AGAP1: variants seen among roughly 807,000 people sequenced by gnomAD.
AGAP1 encodes the protein ArfGAP with GTPase domain, ankyrin repeat and PH domain 1, also known as arf-GAP with GTPase, ANK repeat and PH domain-containing protein 1.
Under a neutral mutation model 105.3 loss-of-function variants are expected in AGAP1, and 29 were observed. That is an observed-to-expected ratio of 0.28 (90% CI 0.21 to 0.38). The LOEUF (loss-of-function observed/expected upper bound fraction) is 0.38, where lower values mean the gene tolerates loss of function less well. Among genes scored for constraint, AGAP1 ranks in the 10% least tolerant of loss-of-function variants. The pLI is 1.00. For synonymous variants in AGAP1, 509 were observed against 485.9 expected (o/e 1.05, Z -0.63); for missense variants, 998 against 1,165.1 (o/e 0.86, Z 2.09).
rs1234162998 is a variant in AGAP1, at chr2:235,901,410, A to G, written c.1156-7328A>G. Among the ~76,000 whole-genome samples the G allele has an allele frequency of 6.6e-6, 1 of 152,154 alleles. No homozygotes were observed. The highest frequency in any genetic ancestry group is 1.9e-4 in the East Asian group (1 of 5,182). On this transcript the variant is annotated intron_variant, in intron 10 of 17. Transcript: ENST00000304032. This position sits in a 1 kb window ranked among gnomAD's most constrained non-coding sequence, Gnocchi z 4.3. The stretch of plus-strand genomic sequence containing the variant: ...GAATAATGAGTCATTCTTTTCCTCC[A>G]GGAGAAGGAGGAACAAACAAATGTG...
intron 13 of AGAP1, among the ~76,000 whole-genome samples, chr2:236,028,432 G>T (rs931978029): frequency 6.6e-6 from 1 of 152,184 alleles, no homozygotes; most frequent in African/African-American, 2.4e-5. Flanking sequence ...GAAGTATTTA[G>T]CTCATTCACA....
rs1243629188 is a variant in AGAP1 at position 236,062,169 on chromosome 2, C to A, written c.2114+12888C>A. ...GAGCAAGTGAGCCTGAATCAGCGAT[C>A]ATCACCACCAGATACTGGGAGTCCC... On this transcript the variant is annotated intron_variant, in intron 16 of 17. Coordinates refer to ENST00000304032, the MANE Select transcript of AGAP1 (RefSeq NM_001037131.3). The surrounding 1 kb of genome is among the most constrained non-coding windows in gnomAD (Gnocchi z 4.2). Among the ~76,000 whole-genome samples, 1 of 152,220 alleles carries A rather than the reference C, an allele frequency of 6.6e-6. No individual in the cohort carries two copies. The highest frequency in any genetic ancestry group is 6.5e-5 in the Admixed American group (1 of 15,292).
At position 235,888,019 on chromosome 2, in the gene AGAP1, G is replaced by A. The variant is rs1384518817; in HGVS notation, c.1155+4570G>A. On this transcript the variant is annotated intron_variant, in intron 10 of 17. Transcript: ENST00000304032. This position sits in a 1 kb window ranked among gnomAD's most constrained non-coding sequence, Gnocchi z 4.8. The stretch of plus-strand genomic sequence containing the variant: ...GCACAGACATTTATCTTCTGTCCAC[G>A]TGTGTGCCGCTCACAGTCCACGTAA... Among the ~76,000 whole-genome samples, 5 of 152,144 alleles carry A rather than the reference G, an allele frequency of 3.3e-5. No homozygotes were observed. In the South Asian group the frequency reaches 6.2e-4, roughly 19 times the overall value.
intron 13 of AGAP1, among the ~76,000 whole-genome samples, chr2:236,018,982 G>A (rs1253784175): frequency 6.6e-6 from 1 of 152,182 alleles, no homozygotes; most frequent in Non-Finnish European, 1.5e-5. Context: ...CGCGCCTCAG[G>A]CCTGCAGTCA....
rs899604324 is a variant in AGAP1, at chr2:235,751,487, G to C, written c.673+999G>C. Among the ~76,000 whole-genome samples the C allele has an allele frequency of 6.6e-6, 1 of 152,174 alleles. No homozygotes were observed. The highest frequency in any genetic ancestry group is 2.4e-5 in the African/African-American group (1 of 41,436). On this transcript the variant is annotated intron_variant, in intron 6 of 17. Transcript: ENST00000304032. This position sits in a 1 kb window ranked among gnomAD's most constrained non-coding sequence, Gnocchi z 5.3. ...GCCGCTTCAAGGTGATGGAGGACTC[G>C]CCGCGCTCTGACCTTGAAGACCCAC...
rs952052687 is a variant in AGAP1, at chr2:235,720,467, A to C, written c.310+2823A>C. Among the ~76,000 whole-genome samples, 4 of 152,046 alleles carry C rather than the reference A, an allele frequency of 2.6e-5. No homozygotes were observed. The highest frequency in any genetic ancestry group is 5.9e-5 in the Non-Finnish European group (4 of 68,004). On this transcript the variant is annotated intron_variant, in intron 3 of 17. Transcript: ENST00000304032. The surrounding 1 kb of genome is among the most constrained non-coding windows in gnomAD (Gnocchi z 5.0). ...CACACAAAGGTGAGGGCACTCCCACAGTGGTGGGAGTGGTTGGCGCCCGGT... is the reference window on the plus strand; with the variant it reads ...CACACAAAGGTGAGGGCACTCCCACCGTGGTGGGAGTGGTTGGCGCCCGGT...
At chr2:236,070,829 C>G (rs1165679808) in intron 16 of AGAP1, among the ~76,000 whole-genome samples, 2 of 152,080 alleles carry the variant, frequency 1.3e-5, no homozygotes, top group Non-Finnish European at 2.9e-5. Flanking sequence ...AGTGGGACTT[C>G]TTTTTGGGGT....
chr2:235,927,484 T>C lies in AGAP1; in HGVS notation c.1325-3281T>C, dbSNP rs2052511080. On this transcript the variant is annotated intron_variant, in intron 11 of 17. Coordinates refer to ENST00000304032, the MANE Select transcript of AGAP1 (RefSeq NM_001037131.3). The surrounding 1 kb of genome is among the most constrained non-coding windows in gnomAD (Gnocchi z 4.4). ...CAGAGTCCTGTTGTTTCCTAGTGTGTAGGCTTGAAGGAATCTCTCCCTTCC... is the reference window on the plus strand; with the variant it reads ...CAGAGTCCTGTTGTTTCCTAGTGTGCAGGCTTGAAGGAATCTCTCCCTTCC... 6.6e-6 allele frequency among the ~76,000 whole-genome samples: 1 copy of C among 152,196 alleles called. No homozygotes were observed. The highest frequency in any genetic ancestry group is 1.5e-5 in the Non-Finnish European group (1 of 68,034).
rs2057521146 is a variant in AGAP1, at chr2:236,040,654, T to G, written c.1801-97T>G. 1.8e-6 allele frequency: 2 copies of G among 1,082,104 alleles called. No homozygotes were observed. Among genetic ancestry groups the G allele is most frequent in the Non-Finnish European group, 2.7e-6 (2 of 739,278 alleles). The allele number at this position is 1,082,104 out of a possible 1,614,324, so 67.0% of individuals were successfully genotyped here. A position where few individuals can be genotyped will look rare whatever the true frequency, so the allele number is the denominator to read the frequency against. On this transcript the variant is annotated intron_variant, in intron 14 of 17. Coordinates refer to ENST00000304032, the MANE Select transcript of AGAP1 (RefSeq NM_001037131.3). The surrounding 1 kb of genome is among the most constrained non-coding windows in gnomAD (Gnocchi z 5.6). ...TTAGAAATTACCCTCGTCCTACATT[T>G]GCTCCCAATCTGTTTGATCTTTCCC...
intron 1 of AGAP1, among the ~76,000 whole-genome samples, chr2:235,568,522 C>G (rs187323315): frequency 2.0e-5 from 3 of 152,114 alleles, no homozygotes; most frequent in Non-Finnish European, 4.4e-5. Flanking sequence ...TGGACATGGA[C>G]TCGTGGCAGA....
intron 9 of AGAP1, among the ~76,000 whole-genome samples, chr2:235,862,918 T>C (rs554189108): frequency 3.5e-4 from 53 of 152,320 alleles, no homozygotes; most frequent in African/African-American, 1.3e-3. Flanking sequence ...TGCATGCTTT[T>C]TCTAATCTCC....
intron 1 of AGAP1, among the ~76,000 whole-genome samples, chr2:235,500,416 C>T (rs1287133920): frequency 6.6e-6 from 1 of 152,178 alleles, no homozygotes; most frequent in Non-Finnish European, 1.5e-5. Flanking sequence ...TAAGAAGTGT[C>T]CTGAGGATGC....
Position 236,030,991 on chromosome 2 carries a change from G to A in AGAP1, c.1646-5570G>A, listed in dbSNP as rs115081251. Among the ~76,000 whole-genome samples the A allele has an allele frequency of 5.3e-3, 812 of 152,282 alleles. 4 individuals carry two copies. The highest frequency in any genetic ancestry group is 0.018 in the African/African-American group (765 of 41,560). ...GAGATTTTATGATTAGAATAGCATT[G>A]TAATCATTAACAGAAATACAGAACC... On this transcript the variant is annotated intron_variant, in intron 13 of 17. Transcript: ENST00000304032.
At position 235,568,726 on chromosome 2, in the gene AGAP1, A is replaced by G. The variant is rs980394671; in HGVS notation, c.163+73877A>G. On this transcript the variant is annotated intron_variant, in intron 1 of 17. Coordinates refer to ENST00000304032, the MANE Select transcript of AGAP1 (RefSeq NM_001037131.3). ...TTTGAGGTCAGAAGTCCTTAAATGC[A>G]TCCACAAAGCTGTGTTCTTTCTAGA... Among the ~76,000 whole-genome samples, 3 of 152,358 alleles carry G rather than the reference A, an allele frequency of 2.0e-5. No individual in the cohort carries two copies. The South Asian group carries it at 6.2e-4, about 32-fold the overall frequency.
rs891732237 is a variant in AGAP1 at position 236,056,432 on chromosome 2, G to A, written c.2114+7151G>A. Among the ~76,000 whole-genome samples, 4 of 152,206 alleles carry A rather than the reference G, an allele frequency of 2.6e-5. No individual in the cohort carries two copies. The highest frequency in any genetic ancestry group is 4.4e-5 in the Non-Finnish European group (3 of 68,040). ...TTAAGAATTTTTACTGCCCCTGGCA[G>A]ATGAGAAGGCAAGTCATCAGCAGGC... is the stretch of plus-strand genomic sequence containing the variant. On this transcript the variant is annotated intron_variant, in intron 16 of 17. Transcript: ENST00000304032. This position sits in a 1 kb window ranked among gnomAD's most constrained non-coding sequence, Gnocchi z 4.6.
chr2:235,715,938 C>T (rs1454489342), intron 2 of AGAP1, among the ~76,000 whole-genome samples: 1 of 152,068 alleles, frequency 6.6e-6, no homozygotes, highest in African/African-American at 2.4e-5. Context: ...AAGGTGTGGA[C>T]CCATCGAGGC....
In AGAP1 at chr2:235,842,014, G is replaced by T. The variant is rs1048603309; in HGVS notation, c.1050+34683G>T. Reference sequence around the variant, plus strand: ...CTTGCCGTCACCACTCCATGCAGACGCTGGGATACTAAGGTTTTCACCTGC... The same window carrying T: ...CTTGCCGTCACCACTCCATGCAGACTCTGGGATACTAAGGTTTTCACCTGC... On this transcript the variant is annotated intron_variant, in intron 9 of 17. Transcript: ENST00000304032. The surrounding 1 kb of genome is among the most constrained non-coding windows in gnomAD (Gnocchi z 5.3). Among the ~76,000 whole-genome samples the T allele has an allele frequency of 6.6e-6, 1 of 152,130 alleles. No individual in the cohort carries two copies. The highest frequency in any genetic ancestry group is 2.4e-5 in the African/African-American group (1 of 41,414).
chr2:235,719,758 A>G lies in AGAP1; in HGVS notation c.310+2114A>G, dbSNP rs1468250626. On this transcript the variant is annotated intron_variant, in intron 3 of 17. Coordinates refer to ENST00000304032, the MANE Select transcript of AGAP1 (RefSeq NM_001037131.3). The surrounding 1 kb of genome is among the most constrained non-coding windows in gnomAD (Gnocchi z 4.9). ...TGCCCTGCAGCAGCCCTCCCTGGGC[A>G]TGTGGCCTCTCACCTTTTGACTCGA... is the stretch of plus-strand genomic sequence containing the variant. 4.6e-5 allele frequency among the ~76,000 whole-genome samples: 7 copies of G among 152,174 alleles called. No individual in the cohort carries two copies. Among genetic ancestry groups the G allele is most frequent in the Admixed American group, 3.9e-4 (6 of 15,288 alleles).
At chr2:235,671,539 G>T (rs888837601) in intron 1 of AGAP1, among the ~76,000 whole-genome samples, 5 of 152,226 alleles carry the variant, frequency 3.3e-5, no homozygotes, top group Non-Finnish European at 5.9e-5. Flanking sequence ...ATCTGTCAGT[G>T]TTGTGATGTG....
Sources: allele counts gnomAD v4.1 joint callset (sites outside exome capture counted in the v4.1 genomes callset), GRCh38; gene constraint gnomAD v4.1.1; non-coding constraint Gnocchi (gnomAD v3.1); transcripts MANE v1.5; gene names NCBI Gene and HGNC (gene_info 2026-07-23, HGNC 2026-07-21).